The following ASIC2 variants were observed in gnomAD, a reference collection of about 807,000 sequenced individuals.
ASIC2 encodes the protein acid sensing ion channel subunit 2.
A neutral mutation model predicts 57.3 loss-of-function variants in ASIC2; 25 were observed. The ratio of observed to expected loss-of-function variants is 0.44; its 90% CI spans 0.32 to 0.61. The LOEUF is 0.61. Among genes scored for constraint, ASIC2 ranks in the 20% least tolerant of loss-of-function variants. ASIC2 has a pLI of 0.06. For synonymous variants in ASIC2, 319 were observed against 307.5 expected (o/e 1.04, Z -0.39); for missense variants, 641 against 738.1 (o/e 0.87, Z 1.52).
intron 1 of ASIC2, among the ~76,000 whole-genome samples, chr17:34,148,607 C>A (rs747205700): frequency 5.3e-5 from 8 of 152,014 alleles, no homozygotes; most frequent in Non-Finnish European, 8.8e-5. Flanking sequence ...GGTGGTCTTG[C>A]GAGAAGTGGA....
intron 1 of ASIC2, chr17:34,039,724 A>G: frequency 1.9e-6 from 3 of 1,612,178 alleles, no homozygotes; most frequent in Non-Finnish European, 2.5e-6. Flanking sequence ...GGGAGTCTCT[A>G]CTTCTTTATC....
At chr17:33,165,832 T>C (rs144563522) in intron 1 of ASIC2, among the ~76,000 whole-genome samples, 81 of 152,292 alleles carry the variant, frequency 5.3e-4, no homozygotes, top group African/African-American at 1.8e-3. Flanking sequence ...AGGCATTCCC[T>C]GTAGACTAAT....
chr17:33,915,429 G>A (rs988592043), intron 1 of ASIC2, among the ~76,000 whole-genome samples: 5 of 152,180 alleles, frequency 3.3e-5, no homozygotes, highest in Non-Finnish European at 7.4e-5. Context: ...TACTGCCCTG[G>A]CATCTCTCTC....
chr17:33,570,847 C>T (rs1470827442), intron 1 of ASIC2, among the ~76,000 whole-genome samples: 2 of 152,120 alleles, frequency 1.3e-5, no homozygotes, highest in East Asian at 3.9e-4. Flanking sequence ...GGAGGCAAGG[C>T]TAGGCTTCTC....
chr17:33,221,785 T>C (rs561795977), intron 1 of ASIC2, among the ~76,000 whole-genome samples: 4 of 152,334 alleles, frequency 2.6e-5, no homozygotes, highest in Admixed American at 2.6e-4. Context: ...ATCTTAAAGG[T>C]AATTATTTAG....
chr17:34,133,206 C>T (rs1227612582), intron 1 of ASIC2, among the ~76,000 whole-genome samples: 1 of 151,922 alleles, frequency 6.6e-6, no homozygotes, highest in African/African-American at 2.4e-5. Flanking sequence ...ATTTTAGAAG[C>T]AATGAAAGGG....
chr17:33,860,130 A>G (rs1321446466), intron 1 of ASIC2, among the ~76,000 whole-genome samples: 1 of 152,152 alleles, frequency 6.6e-6, no homozygotes, highest in Non-Finnish European at 1.5e-5. Context: ...CTCATTTTTA[A>G]CATGGAGATT....
chr17:33,830,272 G>T (rs1269292369), intron 1 of ASIC2, among the ~76,000 whole-genome samples: 2 of 152,068 alleles, frequency 1.3e-5, no homozygotes, highest in East Asian at 3.9e-4. Context: ...CTTCTCTTCA[G>T]TCTTATTCTG....
At chr17:33,087,767 C>G (rs1006358044) in intron 3 of ASIC2, among the ~76,000 whole-genome samples, 1 of 151,638 alleles carries the variant, frequency 6.6e-6, no homozygotes, top group Non-Finnish European at 1.5e-5. Context: ...TAATGTTGCC[C>G]AGGCTGGTCT....
chr17:33,260,011 G>A (rs1381248751), intron 1 of ASIC2, among the ~76,000 whole-genome samples: 7 of 152,168 alleles, frequency 4.6e-5, no homozygotes, highest in African/African-American at 1.2e-4. Flanking sequence ...GGTGGTGCAC[G>A]CTGGCAGTCC....
At chr17:33,939,193 T>A (rs559600609) in intron 1 of ASIC2, among the ~76,000 whole-genome samples, 1 of 152,362 alleles carries the variant, frequency 6.6e-6, no homozygotes, top group East Asian at 1.9e-4. Flanking sequence ...TAAGCTTCCT[T>A]AAATATCACA....
chr17:34,138,144 C>G (rs559811067), intron 1 of ASIC2, among the ~76,000 whole-genome samples: 2 of 152,194 alleles, frequency 1.3e-5, no homozygotes, highest in South Asian at 4.2e-4. Flanking sequence ...GGGGAGTGCA[C>G]GAGACCATGA....
chr17:34,043,117 G>A (rs1330137296), intron 1 of ASIC2, among the ~76,000 whole-genome samples: 1 of 152,148 alleles, frequency 6.6e-6, no homozygotes, highest in Non-Finnish European at 1.5e-5. Context: ...AATTAAGAGA[G>A]CATTGACTTT....
At chr17:33,417,898 A>G (rs1223097306) in intron 1 of ASIC2, among the ~76,000 whole-genome samples, 1 of 152,296 alleles carries the variant, frequency 6.6e-6, no homozygotes, top group African/African-American at 2.4e-5. Flanking sequence ...TGGAGTCCTC[A>G]GGGAAGGCCC....
At chr17:34,084,915 C>T (rs1468687153) in intron 1 of ASIC2, among the ~76,000 whole-genome samples, 6 of 152,258 alleles carry the variant, frequency 3.9e-5, no homozygotes, top group South Asian at 2.1e-4. Context: ...CTGAAGTTGC[C>T]TATCAGCTTA....
chr17:33,327,068 C>T (rs1907108719), intron 1 of ASIC2, among the ~76,000 whole-genome samples: 1 of 152,198 alleles, frequency 6.6e-6, no homozygotes, highest in East Asian at 1.9e-4. Flanking sequence ...CTCAAACTCA[C>T]CTCCCAGTGC....
chr17:33,985,867 T>C (rs528423158), intron 1 of ASIC2, among the ~76,000 whole-genome samples: 4 of 152,234 alleles, frequency 2.6e-5, no homozygotes, highest in Admixed American at 2.6e-4. Flanking sequence ...AGGCCTTCCC[T>C]GAGAAGACAC....
intron 1 of ASIC2, among the ~76,000 whole-genome samples, chr17:33,483,979 T>C (rs1387711845): frequency 6.6e-6 from 1 of 152,030 alleles, no homozygotes; most frequent in African/African-American, 2.4e-5. Flanking sequence ...AAAGTGATGA[T>C]GTGAGCAGAG....
At chr17:33,190,198 A>G (rs1906358318) in intron 1 of ASIC2, among the ~76,000 whole-genome samples, 1 of 152,218 alleles carries the variant, frequency 6.6e-6, no homozygotes, top group Non-Finnish European at 1.5e-5. Flanking sequence ...GCTGAATAAT[A>G]TGCAATTGAA....
Sources: gnomAD v4.1 joint callset for allele counts (sites outside exome capture counted in the v4.1 genomes callset) on GRCh38, gnomAD v4.1.1 for gene constraint, MANE v1.5 for transcripts, NCBI Gene and HGNC (gene_info 2026-07-23, HGNC 2026-07-21) for gene names.